SRGAP2C: variants seen among roughly 807,000 people sequenced by gnomAD.
SRGAP2C encodes SLIT-ROBO Rho GTPase activating protein 2C.
In SRGAP2C, 15 loss-of-function variants were observed where a neutral mutation model predicts 25.1. That is an observed-to-expected ratio of 0.60 (90% confidence interval 0.40 to 0.92). The LOEUF (loss-of-function observed/expected upper bound fraction) is 0.92, where lower values mean the gene tolerates loss of function less well. Ranked by LOEUF, SRGAP2C falls within the 40% of genes least tolerant of loss-of-function variation. SRGAP2C has a pLI of 0.00. For missense variants in SRGAP2C, 144 were observed against 264.4 expected (o/e 0.54, Z 3.16); for synonymous variants, 44 against 96.6 (o/e 0.46, Z 3.19).
intron 2 of SRGAP2C, among the ~76,000 whole-genome samples, chr1:121,222,275 C>T (rs1423962494): frequency 6.6e-6 from 1 of 152,100 alleles, no homozygotes; most frequent in African/African-American, 2.4e-5. Context: ...CATAGGGCTG[C>T]TGAACCTGAC....
Position 121,185,072 on chromosome 1 carries a change from G to T in SRGAP2C, c.-595G>T, listed in dbSNP as rs782394265. On this transcript the variant is annotated 5_prime_UTR_variant, in exon 1 of 10. Coordinates refer to ENST00000367123, the MANE Select transcript of SRGAP2C (RefSeq NM_001329984.2). ...GTGGCGGGGAAGAGAGGGGAGGAGAGCTCTGAGTGGGAAGCGGAACCGGGG... is the reference window on the plus strand; with the variant it reads ...GTGGCGGGGAAGAGAGGGGAGGAGATCTCTGAGTGGGAAGCGGAACCGGGG... 3.2e-4 allele frequency: 162 copies of T among 507,604 alleles called. No homozygotes were observed. Among genetic ancestry groups the T allele is most frequent in the Non-Finnish European group, 4.7e-4 (136 of 286,566 alleles). 31.4% of individuals were successfully genotyped at this position (507,604 alleles called of 1,614,324 possible). A position where few individuals can be genotyped will look rare whatever the true frequency, so the allele number is the denominator to read the frequency against.
intron 4 of SRGAP2C, chr1:121,362,795 C>A (rs1455505954): frequency 7.1e-6 from 1 of 140,188 alleles, no homozygotes; most frequent in Non-Finnish European, 1.5e-5. Flanking sequence ...GCTTTCCTCT[C>A]AATGGAAAGG....
chr1:121,223,830 A>T (rs1553326093), intron 2 of SRGAP2C, among the ~76,000 whole-genome samples: 1 of 86,244 alleles, frequency 1.2e-5, no homozygotes, highest in East Asian at 3.5e-4. Flanking sequence ...TATTTTGATT[A>T]TAAAGTGTAG....
intron 2 of SRGAP2C, among the ~76,000 whole-genome samples, chr1:121,254,662 A>T: frequency 6.7e-6 from 1 of 148,956 alleles, no homozygotes; most frequent in East Asian, 2.0e-4. Flanking sequence ...AAGTCCTTGG[A>T]TCTCACTGTG....
rs1264620383 is a variant in SRGAP2C at position 121,389,149 on chromosome 1, CA to C, written c.*1295del. On this transcript the variant is annotated 3_prime_UTR_variant, in exon 10 of 10. Transcript: ENST00000367123. Reference sequence around the variant, plus strand: ...TCATATAATTATAATATTCTTTAAGCATATTTATGAGTAAAATATTAAAACC... The same window carrying C: ...TCATATAATTATAATATTCTTTAAGCTATTTATGAGTAAAATATTAAAACC... The C allele has an allele frequency of 3.9e-5, 6 of 152,024 alleles. No homozygotes were observed. The highest frequency in any genetic ancestry group is 3.9e-4 in the Admixed American group (6 of 15,266). 9.4% of individuals were successfully genotyped at this position (152,024 alleles called of 1,614,324 possible). A position where few individuals can be genotyped will look rare whatever the true frequency, so the allele number is the denominator to read the frequency against.
At chr1:121,329,065 G>A (rs1658379807) in intron 4 of SRGAP2C, among the ~76,000 whole-genome samples, 1 of 138,586 alleles carries the variant, frequency 7.2e-6, no homozygotes, top group Non-Finnish European at 1.6e-5. Context: ...ACAAAAATTA[G>A]CCAGGCAAGA....
At chr1:121,384,955 T>A (rs1659926682) in intron 8 of SRGAP2C, among the ~76,000 whole-genome samples, 1 of 152,166 alleles carries the variant, frequency 6.6e-6, no homozygotes, top group Non-Finnish European at 1.5e-5. Context: ...GATCAGTGGC[T>A]GAGCCAGGCA....
chr1:121,207,295 G>C (rs1473887751), intron 2 of SRGAP2C, among the ~76,000 whole-genome samples: 1 of 152,144 alleles, frequency 6.6e-6, no homozygotes, highest in Non-Finnish European at 1.5e-5. Context: ...TGTAGGGAAA[G>C]AGCACAGCTA....
At chr1:121,304,021 G>A (rs1553339165) in intron 3 of SRGAP2C, among the ~76,000 whole-genome samples, 2 of 135,472 alleles carry the variant, frequency 1.5e-5, no homozygotes, top group Non-Finnish European at 3.2e-5. Context: ...TGGCTAACAC[G>A]GTGAAACCCT....
chr1:121,288,642 G>T lies in SRGAP2C; in HGVS notation c.260+3647G>T, dbSNP rs1657426298. On this transcript the variant is annotated intron_variant, in intron 3 of 9. Transcript: ENST00000367123. ...AACCTTGAGCTAAACACAGGGTGCT[G>T]ATTGGTGTGTTTACAAACCTTGAGC... 2.6e-5 allele frequency among the ~76,000 whole-genome samples: 2 copies of T among 76,672 alleles called. 1 individual carries two copies. The highest frequency in any genetic ancestry group is 2.6e-4 in the Admixed American group (2 of 7,700). The allele number at this position is 76,672 out of a possible 152,430, so 50.3% of individuals were successfully genotyped here. A position where few individuals can be genotyped will look rare whatever the true frequency, so the allele number is the denominator to read the frequency against.
rs1658995658 is a variant in SRGAP2C at position 121,354,270 on chromosome 1, CTTT to C, written c.424-11022_424-11020del. Reference sequence around the variant, plus strand: ...TTCTTTCTTTCTCTCTCCTTTCTTTCTTTCTTTCTTTCTTTCTTTCTTTCTTTC... The same window carrying C: ...TTCTTTCTTTCTCTCTCCTTTCTTTCCTTTCTTTCTTTCTTTCTTTCTTTC... On this transcript the variant is annotated intron_variant, in intron 4 of 9. Coordinates refer to ENST00000367123, the MANE Select transcript of SRGAP2C (RefSeq NM_001329984.2). Among the ~76,000 whole-genome samples, 2 of 19,916 alleles carry C rather than the reference CTTT, an allele frequency of 1.0e-4. 1 individual carries two copies. The highest frequency in any genetic ancestry group is 2.3e-4 in the Non-Finnish European group (2 of 8,784). The allele number at this position is 19,916 out of a possible 152,430, so 13.1% of individuals were successfully genotyped here. A position where few individuals can be genotyped will look rare whatever the true frequency, so the allele number is the denominator to read the frequency against.
At chr1:121,385,746 TCTG>T (rs1242256177) in intron 8 of SRGAP2C, among the ~76,000 whole-genome samples, 2 of 152,092 alleles carry the variant, frequency 1.3e-5, no homozygotes, top group Non-Finnish European at 2.9e-5. Flanking sequence ...CTCTCAGCCT[TCTG>T]CTCTCATCTG....
chr1:121,331,145 A>C (rs1184429737), intron 4 of SRGAP2C, among the ~76,000 whole-genome samples: 1 of 24,630 alleles, frequency 4.1e-5, no homozygotes, highest in Non-Finnish European at 8.7e-5. Context: ...TGCCTCCCTC[A>C]AAAAAAAAAA....
intron 3 of SRGAP2C, among the ~76,000 whole-genome samples, chr1:121,312,255 G>A (rs1657979504): frequency 2.8e-5 from 1 of 35,878 alleles, no homozygotes; most frequent in African/African-American, 1.1e-4. Context: ...GTATTTCTGT[G>A]GGATCAGTGG....
intron 2 of SRGAP2C, among the ~76,000 whole-genome samples, chr1:121,239,246 CTATATA>C (rs1217800804): frequency 1.4e-3 from 1 of 740 alleles, no homozygotes; most frequent in Non-Finnish European, 1.9e-3. Flanking sequence ...TATATATATA[CTATATA>C]TATATATATA....
chr1:121,368,028 A>AT lies in SRGAP2C; in HGVS notation c.486+2675dup, dbSNP rs1456583912. On this transcript the variant is annotated intron_variant, in intron 5 of 9. Coordinates refer to ENST00000367123, the MANE Select transcript of SRGAP2C (RefSeq NM_001329984.2). ...GAGGCAGAGCTTGCAGTGAGCCGAG[A>AT]TTGTGCCACTGCACTCCAGCCTGGG... Among the ~76,000 whole-genome samples the AT allele has an allele frequency of 3.7e-3, 427 of 114,450 alleles. 10 individuals are homozygous for AT. Among genetic ancestry groups the AT allele is most frequent in the African/African-American group, 0.014 (402 of 28,558 alleles). The allele number at this position is 114,450 out of a possible 152,430, so 75.1% of individuals were successfully genotyped here.
chr1:121,222,008 A>G (rs1655537612), intron 2 of SRGAP2C, among the ~76,000 whole-genome samples: 3 of 152,054 alleles, frequency 2.0e-5, no homozygotes, highest in Non-Finnish European at 2.9e-5. Context: ...TCAGTTTCAT[A>G]TCCAGTTTCT....
intron 4 of SRGAP2C, among the ~76,000 whole-genome samples, chr1:121,328,163 T>C (rs2101614253): frequency 6.6e-6 from 1 of 152,300 alleles, no homozygotes; most frequent in South Asian, 2.1e-4. Flanking sequence ...TTTCAGGTGC[T>C]GATATCTACA....
At chr1:121,216,379 A>G (rs1279977662) in intron 2 of SRGAP2C, among the ~76,000 whole-genome samples, 3 of 152,124 alleles carry the variant, frequency 2.0e-5, no homozygotes, top group African/African-American at 4.8e-5. Context: ...GCCCCAAGAG[A>G]GCTTTCCATA....
Sources: allele counts gnomAD v4.1 joint callset (sites outside exome capture counted in the v4.1 genomes callset), GRCh38; gene constraint gnomAD v4.1.1; transcripts MANE v1.5; gene names NCBI Gene and HGNC (gene_info 2026-07-23, HGNC 2026-07-21).